PTPN9: variants seen among roughly 807,000 people sequenced by gnomAD.
PTPN9 encodes protein tyrosine phosphatase non-receptor type 9, also known as tyrosine-protein phosphatase non-receptor type 9.
In PTPN9, 26 loss-of-function variants were observed where a neutral mutation model predicts 69.8. That is an observed-to-expected ratio of 0.37 (90% CI 0.27 to 0.52). PTPN9 has a LOEUF of 0.52. Ranked by LOEUF, PTPN9 falls within the 20% of genes least tolerant of loss-of-function variation. The pLI, the probability that PTPN9 is intolerant of heterozygous loss-of-function variation, is 0.91. For synonymous variants in PTPN9, 274 were observed against 272.5 expected (o/e 1.01, Z -0.05); for missense variants, 549 against 740.3 (o/e 0.74, Z 3.00).
intron 6 of PTPN9, among the ~76,000 whole-genome samples, chr15:75,507,505 G>A (rs1310331383): frequency 6.6e-6 from 1 of 151,658 alleles, no homozygotes; most frequent in African/African-American, 2.4e-5. Context: ...GGTGGCTTAT[G>A]CCTGTAATCC....
At chr15:75,517,186 T>A in intron 5 of PTPN9, 73 bp downstream of exon 5, 1 of 1,144,404 alleles carries the variant, frequency 8.7e-7, no homozygotes, top group Non-Finnish European at 1.2e-6. Flanking sequence ...CCTAAATCTT[T>A]TCCCAAAGAA....
intron 8 of PTPN9, among the ~76,000 whole-genome samples, chr15:75,486,807 G>A (rs1420175247): frequency 8.5e-5 from 12 of 141,494 alleles, no homozygotes; most frequent in African/African-American, 2.8e-4. Context: ...TTTTTGAGAC[G>A]GAGTCTTTGC....
chr15:75,514,776 A>T (rs1595958263), intron 5 of PTPN9, among the ~76,000 whole-genome samples: 1 of 152,210 alleles, frequency 6.6e-6, no homozygotes, highest in South Asian at 2.1e-4. Flanking sequence ...AAGAAGAAAA[A>T]ATATATAGCT....
chr15:75,483,179 T>C (rs561535063), intron 8 of PTPN9, among the ~76,000 whole-genome samples: 55 of 152,328 alleles, frequency 3.6e-4, no homozygotes, highest in Non-Finnish European at 7.3e-4. Flanking sequence ...GTCTGGTTGT[T>C]CCTGAAAAGA....
At chr15:75,512,909 T>C (rs1284187396) in intron 5 of PTPN9, 1 of 364,272 alleles carries the variant, frequency 2.7e-6, no homozygotes, top group Non-Finnish European at 5.3e-6. Context: ...TACATGTTCT[T>C]ATAGATACAT....
intron 1 of PTPN9, among the ~76,000 whole-genome samples, chr15:75,528,467 C>T (rs1203771926): frequency 1.3e-5 from 2 of 151,898 alleles, no homozygotes; most frequent in South Asian, 4.2e-4. Flanking sequence ...ACTGCAGCTT[C>T]GACCACCTGG....
Position 75,470,987 on chromosome 15 carries a change from T to G in PTPN9, c.1209-157A>C, listed in dbSNP as rs2074560904. 3.4e-6 allele frequency: 3 copies of G among 893,744 alleles called. No homozygotes were observed. In the Admixed American group the frequency reaches 8.9e-5, roughly 26 times the overall value. The allele number at this position is 893,744 out of a possible 1,614,324, so 55.4% of individuals were successfully genotyped here. On this transcript the variant is annotated intron_variant, in intron 10 of 12. Coordinates refer to ENST00000618819, the MANE Select transcript of PTPN9 (RefSeq NM_002833.4). ...TTCTCAGCAGAAAGGAAAGGAAACC[T>G]CTTCATTCTAAACAAATGTACTCAC...
chr15:75,524,235 T>C lies in PTPN9; in HGVS notation c.271A>G (p.Ile91Val). The change falls in exon 3 of 13, where the codon ATC (isoleucine) becomes GTC (valine). Residue 91 changes from isoleucine (I) to valine (V), a missense_variant. Physicochemically the swap from Ile to Val is conservative, Grantham distance 29. This residue lies in a region of PTPN9 where 457 missense variants were observed against 661.9 expected (regional missense o/e 0.69). Coordinates refer to ENST00000618819, the MANE Select transcript of PTPN9 (RefSeq NM_002833.4). Reference sequence around the variant, plus strand: ...AAGATGGTGAATTTTCCACTGAGGATCTCAGAACGAAGAGGTTCCTCATGA... The same window carrying C: ...AAGATGGTGAATTTTCCACTGAGGACCTCAGAACGAAGAGGTTCCTCATGA... Reference protein sequence around the residue: ...KPHEEPLRSEILSGKFTILNV... With the variant: ...KPHEEPLRSEVLSGKFTILNV... 6.2e-7 allele frequency: 1 copy of C among 1,611,042 alleles called. No homozygotes were observed. The highest frequency in any genetic ancestry group is 8.5e-7 in the Non-Finnish European group (1 of 1,177,788).
intron 1 of PTPN9, among the ~76,000 whole-genome samples, chr15:75,559,783 A>AAAAG (rs925206692): frequency 0.012 from 1,689 of 142,560 alleles, 137 homozygotes; most frequent in Admixed American, 0.097. Context: ...AAAAAAAAAA[A>AAAAG]AAGAAGAAAG....
At chr15:75,510,372 A>G (rs2074839862) in intron 5 of PTPN9, among the ~76,000 whole-genome samples, 1 of 152,176 alleles carries the variant, frequency 6.6e-6, no homozygotes, top group South Asian at 2.1e-4. Context: ...CAGGCTCCCA[A>G]GTAACTGGGA....
At chr15:75,561,697 T>C (rs1378204895) in intron 1 of PTPN9, among the ~76,000 whole-genome samples, 1 of 152,010 alleles carries the variant, frequency 6.6e-6, no homozygotes, top group African/African-American at 2.4e-5. Flanking sequence ...GCTAATTTAT[T>C]TTTTATTTTA....
chr15:75,507,355 A>G (rs1354124894), intron 6 of PTPN9, among the ~76,000 whole-genome samples: 1 of 150,940 alleles, frequency 6.6e-6, no homozygotes, highest in Non-Finnish European at 1.5e-5. Context: ...CTGAGGCAGG[A>G]GAATCACTTG....
intron 1 of PTPN9, among the ~76,000 whole-genome samples, chr15:75,554,006 T>G: frequency 3.6e-5 from 1 of 27,746 alleles, no homozygotes; most frequent in South Asian, 8.3e-4. Context: ...ACTTTCTTTC[T>G]TTTTTTTTTT....
chr15:75,512,870 C>T (rs1378136533), intron 5 of PTPN9: 1 of 303,260 alleles, frequency 3.3e-6, no homozygotes. Flanking sequence ...GACAATACCC[C>T]AACTATGTAT....
At chr15:75,564,918 A>G (rs1024909838) in intron 1 of PTPN9, among the ~76,000 whole-genome samples, 2 of 151,882 alleles carry the variant, frequency 1.3e-5, no homozygotes, top group Non-Finnish European at 2.9e-5. Context: ...CCTGACCAAC[A>G]TGGTGAAACC....
At chr15:75,480,931 C>T (rs1163089378) in intron 8 of PTPN9, 2 of 218,954 alleles carry the variant, frequency 9.1e-6, no homozygotes, top group East Asian at 1.8e-4. Flanking sequence ...CCTGGCCGCC[C>T]ATCGTCTGGG....
At chr15:75,491,498 G>A (rs2074710930) in intron 7 of PTPN9, among the ~76,000 whole-genome samples, 1 of 152,156 alleles carries the variant, frequency 6.6e-6, no homozygotes, top group African/African-American at 2.4e-5. Context: ...TAAGAAGTGG[G>A]GTGCTTCTGT....
intron 1 of PTPN9, among the ~76,000 whole-genome samples, chr15:75,540,097 T>C (rs1203711972): frequency 2.0e-5 from 3 of 152,140 alleles, no homozygotes; most frequent in African/African-American, 7.2e-5. Context: ...AGACATAAAA[T>C]ACCCCTCAGT....
chr15:75,533,904 T>C (rs917616993), intron 1 of PTPN9, among the ~76,000 whole-genome samples: 3 of 152,156 alleles, frequency 2.0e-5, no homozygotes, highest in Admixed American at 6.6e-5. Context: ...CACTCTCAGT[T>C]CCACAGGTAG....
Sources: allele counts gnomAD v4.1 joint callset (sites outside exome capture counted in the v4.1 genomes callset), GRCh38; gene constraint gnomAD v4.1.1; regional missense constraint gnomAD v4.1.1; transcripts MANE v1.5; gene names NCBI Gene and HGNC (gene_info 2026-07-23, HGNC 2026-07-21).